ARNT2: variants seen among roughly 807,000 people sequenced by gnomAD.
The protein encoded by ARNT2 is aryl hydrocarbon receptor nuclear translocator 2, also known as ARNT protein 2.
ARNT2 carries 36 observed loss-of-function variants against 91.7 expected under a neutral mutation model. The ratio of observed to expected loss-of-function variants is 0.39; its 90% CI spans 0.30 to 0.52. The LOEUF is 0.52. Among genes scored for constraint, ARNT2 ranks in the 20% least tolerant of loss-of-function variants. The pLI is 0.72. For missense variants in ARNT2, 775 were observed against 939.3 expected (o/e 0.83, Z 2.29); for synonymous variants, 365 against 347.1 (o/e 1.05, Z -0.57).
At chr15:80,528,604 G>A (rs546308448) in intron 8 of ARNT2, among the ~76,000 whole-genome samples, 9 of 152,050 alleles carry the variant, frequency 5.9e-5, no homozygotes, top group Admixed American at 2.0e-4. Flanking sequence ...GGAGTGGACC[G>A]CTCATGAATA....
In ARNT2 at chr15:80,593,843, G is replaced by A. The variant is rs375302989; in HGVS notation, c.*145G>A. The A allele has an allele frequency of 2.7e-4, 195 of 722,716 alleles. 2 individuals are homozygous for A. Among genetic ancestry groups the A allele is most frequent in the African/African-American group, 1.6e-3 (92 of 56,956 alleles). 44.8% of individuals were successfully genotyped at this position (722,716 alleles called of 1,614,324 possible). ...TCTCCCCCGCTGTGTGTCCCCAGGCGCATCATTGCTCCACTCTCCCCTGCA... is the reference window on the plus strand; with the variant it reads ...TCTCCCCCGCTGTGTGTCCCCAGGCACATCATTGCTCCACTCTCCCCTGCA... On this transcript the variant is annotated 3_prime_UTR_variant, in exon 19 of 19. Transcript: ENST00000303329.
At chr15:80,571,125 T>C (rs1394520968) in intron 12 of ARNT2, among the ~76,000 whole-genome samples, 3 of 152,186 alleles carry the variant, frequency 2.0e-5, no homozygotes, top group Non-Finnish European at 4.4e-5. Flanking sequence ...AGATGAAAGT[T>C]ATAGGGAGGT....
At position 80,448,710 on chromosome 15, in the gene ARNT2, G is replaced by A. The variant is rs1251782130; in HGVS notation, c.32-2170G>A. Among the ~76,000 whole-genome samples the A allele has an allele frequency of 2.6e-5, 4 of 152,164 alleles. No individual in the cohort carries two copies. In the South Asian group the frequency reaches 6.2e-4, roughly 24 times the overall value. ...TAAAATACCAAAACTTGGGCCTGGC[G>A]CGGTGGCTAACGCCTGTAATCCCAG... On this transcript the variant is annotated intron_variant, in intron 1 of 18. Coordinates refer to ENST00000303329, the MANE Select transcript of ARNT2 (RefSeq NM_014862.4).
intron 1 of ARNT2, among the ~76,000 whole-genome samples, chr15:80,408,452 T>C (rs772498022): frequency 9.9e-5 from 15 of 152,180 alleles, no homozygotes; most frequent in Non-Finnish European, 2.1e-4. Context: ...TTTTGACTTA[T>C]AGAGAATTTA....
At chr15:80,417,538 CCTT>C (rs1186289794) in intron 1 of ARNT2, among the ~76,000 whole-genome samples, 1 of 108,464 alleles carries the variant, frequency 9.2e-6, no homozygotes, top group Non-Finnish European at 1.9e-5. Flanking sequence ...CCTCCCTCCT[CCTT>C]CTCTTCCTTC....
intron 11 of ARNT2, among the ~76,000 whole-genome samples, chr15:80,557,726 C>T (rs566754470): frequency 6.6e-6 from 1 of 152,144 alleles, no homozygotes; most frequent in Admixed American, 6.5e-5. Flanking sequence ...GCCCTTCCCT[C>T]AATCCCACTC....
Position 80,597,898 on chromosome 15 carries a change from A to G in ARNT2, c.*4200A>G, listed in dbSNP as rs572530825. 6.5e-6 allele frequency: 1 copy of G among 152,718 alleles called. No homozygotes were observed. The highest frequency in any genetic ancestry group is 1.5e-5 in the Non-Finnish European group (1 of 68,074). The allele number at this position is 152,718 out of a possible 1,614,324, so 9.5% of individuals were successfully genotyped here. On this transcript the variant is annotated 3_prime_UTR_variant, in exon 19 of 19. Transcript: ENST00000303329. Reference sequence around the variant, plus strand: ...GTAACTAATGTAACTGCCTTTTAAAATTTCATTACAATAAAAATGACTTTG... The same window carrying G: ...GTAACTAATGTAACTGCCTTTTAAAGTTTCATTACAATAAAAATGACTTTG...
chr15:80,415,846 G>C (rs1895773769), intron 1 of ARNT2, among the ~76,000 whole-genome samples: 3 of 152,130 alleles, frequency 2.0e-5, no homozygotes, highest in African/African-American at 7.2e-5. Flanking sequence ...GATATTTTGG[G>C]CTTTTTGGTG....
At chr15:80,458,540 T>C (rs1278124334) in intron 3 of ARNT2, among the ~76,000 whole-genome samples, 4 of 152,174 alleles carry the variant, frequency 2.6e-5, no homozygotes, top group Non-Finnish European at 5.9e-5. Context: ...AGCATCTTTA[T>C]CTGGGCTCTG....
intron 6 of ARNT2, among the ~76,000 whole-genome samples, chr15:80,512,739 C>G (rs1220989721): frequency 6.6e-6 from 1 of 152,200 alleles, no homozygotes; most frequent in African/African-American, 2.4e-5. Context: ...TATATCATTT[C>G]CATTAGCCCA....
chr15:80,521,901 A>G (rs1316752471), intron 8 of ARNT2, among the ~76,000 whole-genome samples: 3 of 152,028 alleles, frequency 2.0e-5, no homozygotes, highest in Admixed American at 6.6e-5. Context: ...TCTCTGACCA[A>G]CTCATACACC....
At chr15:80,410,793 TATCTATCTATCTATCTATC>T (rs1315257836) in intron 1 of ARNT2, among the ~76,000 whole-genome samples, 4 of 149,852 alleles carry the variant, frequency 2.7e-5, no homozygotes, top group African/African-American at 9.9e-5. Context: ...TCTATCTATC[TATCTATCTATCTATCTATC>T]ATCTATCTAC....
At chr15:80,524,215 C>T (rs542196236) in intron 8 of ARNT2, among the ~76,000 whole-genome samples, 1 of 152,138 alleles carries the variant, frequency 6.6e-6, no homozygotes, top group South Asian at 2.1e-4. Context: ...CCATCTCTTA[C>T]CTATCAAAAG....
intron 8 of ARNT2, among the ~76,000 whole-genome samples, chr15:80,530,322 C>A (rs1285963582): frequency 1.3e-5 from 2 of 152,254 alleles, no homozygotes; most frequent in South Asian, 2.1e-4. Flanking sequence ...GTCACAAACA[C>A]CCCCTGTAGT....
intron 1 of ARNT2, among the ~76,000 whole-genome samples, chr15:80,440,250 G>A (rs1896167885): frequency 6.6e-6 from 1 of 152,170 alleles, no homozygotes; most frequent in South Asian, 2.1e-4. Flanking sequence ...ATGGGTGGAT[G>A]TCTCATTGCA....
chr15:80,434,492 A>G (rs1896056817), intron 1 of ARNT2: 1 of 152,338 alleles, frequency 6.6e-6, no homozygotes, highest in Admixed American at 6.5e-5. Context: ...AGCAAAGTCC[A>G]GAGTGACAAA....
intron 12 of ARNT2, among the ~76,000 whole-genome samples, chr15:80,569,871 C>T (rs1421843770): frequency 1.3e-5 from 2 of 152,266 alleles, no homozygotes; most frequent in Non-Finnish European, 2.9e-5. Flanking sequence ...CGGGGCACAG[C>T]TACACAACTG....
chr15:80,581,070 C>T, intron 16 of ARNT2, 169 bp from the exon 17 acceptor site: 1 of 768,290 alleles, frequency 1.3e-6, no homozygotes, highest in Non-Finnish European at 2.1e-6. Context: ...TTCCTGGGCC[C>T]TCACACACCG....
intron 1 of ARNT2, chr15:80,436,432 T>C (rs1896086991): frequency 1.3e-5 from 2 of 154,442 alleles, no homozygotes; most frequent in South Asian, 4.1e-4. Flanking sequence ...TCTAACTGTA[T>C]TGTGTTCCTT....
Sources: gnomAD v4.1 joint callset for allele counts (sites outside exome capture counted in the v4.1 genomes callset) on GRCh38, gnomAD v4.1.1 for gene constraint, MANE v1.5 for transcripts, NCBI Gene and HGNC (gene_info 2026-07-23, HGNC 2026-07-21) for gene names.